The following PTPRT variants were observed in gnomAD, a reference collection of about 807,000 sequenced individuals.
The protein encoded by PTPRT is receptor-type tyrosine-protein phosphatase T.
PTPRT carries 56 observed loss-of-function variants against 176.8 expected under a neutral mutation model. The observed-to-expected ratio is 0.32, with a 90% CI of 0.26 to 0.40. The LOEUF (loss-of-function observed/expected upper bound fraction) is 0.40. PTPRT is among the 10% of genes least tolerant of loss of function. The pLI is 1.00. For missense variants in PTPRT, 1,540 were observed against 1,908.2 expected (o/e 0.81, Z 3.60); for synonymous variants, 783 against 739.0 (o/e 1.06, Z -0.96).
chr20:42,703,980 A>G (rs904543827), intron 6 of PTPRT, among the ~76,000 whole-genome samples: 6 of 152,186 alleles, frequency 3.9e-5, no homozygotes, highest in African/African-American at 1.4e-4. Context: ...CAACACCAAG[A>G]TCAGGTCAGG....
intron 13 of PTPRT, among the ~76,000 whole-genome samples, chr20:42,250,651 GC>G (rs1358389654): frequency 1.3e-5 from 2 of 152,112 alleles, no homozygotes; most frequent in South Asian, 4.1e-4. Flanking sequence ...TCTAGCACAG[GC>G]CTCCCTCCTC....
chr20:42,312,104 C>A (rs1256691637), intron 12 of PTPRT, among the ~76,000 whole-genome samples: 1 of 152,172 alleles, frequency 6.6e-6, no homozygotes, highest in Admixed American at 6.5e-5. Context: ...CACTTAGAGC[C>A]ATTATTGAGC....
chr20:42,600,288 C>A lies in PTPRT; in HGVS notation c.1153+77578G>T, dbSNP rs146155121. On this transcript the variant is annotated intron_variant, in intron 7 of 30. Coordinates refer to ENST00000373187, the MANE Select transcript of PTPRT (RefSeq NM_007050.6). The stretch of plus-strand genomic sequence containing the variant: ...CTGAATAGCTGGGACTACAGGTGTG[C>A]GCCATAAAGTCTGGCTAATTTTTGT... Among the ~76,000 whole-genome samples the A allele has an allele frequency of 1.6e-4, 24 of 152,000 alleles. No homozygotes were observed. In the East Asian group the frequency reaches 4.7e-3, roughly 29 times the overall value.
At chr20:43,001,884 AAAC>A in intron 1 of PTPRT, among the ~76,000 whole-genome samples, 8 of 129,220 alleles carry the variant, frequency 6.2e-5, no homozygotes, top group Non-Finnish European at 1.4e-4. Flanking sequence ...ACAAACAAAA[AAAC>A]AAACAAAAAA....
chr20:42,577,923 CTGTG>C (rs777761268), intron 7 of PTPRT, among the ~76,000 whole-genome samples: 13,970 of 111,094 alleles, frequency 0.13, 812 homozygotes, highest in Middle Eastern at 0.18. Context: ...CTGAGCGAGG[CTGTG>C]TGTGTGTGTG....
Position 42,677,918 on chromosome 20 carries a change from C to G in PTPRT, c.1101G>C (p.Glu367Asp), listed in dbSNP as rs767307358. Residue 367 changes from glutamate to aspartate, a missense_variant, in exon 7 of 31, where the codon GAG becomes GAC. Coordinates refer to ENST00000373187, the MANE Select transcript of PTPRT (RefSeq NM_007050.6). ...GAGGCCCTGGCGGTCCCGTACCCCCCTCACCTGGTCGTGTGAGGAGCACTC... is the reference window on the plus strand; with the variant it reads ...GAGGCCCTGGCGGTCCCGTACCCCCGTCACCTGGTCGTGTGAGGAGCACTC... ...EIRVLLTRPG[E>D]GGTGPPGPPL... The G allele has an allele frequency of 5.0e-6, 8 of 1,614,080 alleles. No homozygotes were observed. The highest frequency in any genetic ancestry group is 4.0e-5 in the African/African-American group (3 of 74,938).
At chr20:43,023,725 G>A (rs1372343059) in intron 1 of PTPRT, among the ~76,000 whole-genome samples, 1 of 152,128 alleles carries the variant, frequency 6.6e-6, no homozygotes, top group Non-Finnish European at 1.5e-5. Flanking sequence ...GCCCAATTCT[G>A]CATCTCTCCC....
intron 1 of PTPRT, among the ~76,000 whole-genome samples, chr20:42,915,633 T>A (rs1363170408): frequency 6.6e-6 from 1 of 152,156 alleles, no homozygotes; most frequent in Non-Finnish European, 1.5e-5. Context: ...ATTTACCTAT[T>A]TATTTTCAGA....
chr20:42,430,418 G>A (rs540843431), intron 9 of PTPRT, among the ~76,000 whole-genome samples: 58 of 152,148 alleles, frequency 3.8e-4, no homozygotes, highest in Non-Finnish European at 6.5e-4. Context: ...CAGAAGACCT[G>A]GGGTGGGGAC....
At chr20:42,756,341 C>T (rs537164728) in intron 6 of PTPRT, 121 bp downstream of exon 6, 1 of 1,099,414 alleles carries the variant, frequency 9.1e-7, no homozygotes, top group East Asian at 2.9e-5. Flanking sequence ...GCCAGAGTGA[C>T]TAGAAATTAA....
intron 1 of PTPRT, among the ~76,000 whole-genome samples, chr20:42,985,776 G>A (rs937600208): frequency 2.0e-5 from 3 of 152,168 alleles, no homozygotes; most frequent in African/African-American, 7.2e-5. Flanking sequence ...CTGAGAAGAT[G>A]TTCAAAGTCT....
chr20:42,559,527 G>A (rs2072915459), intron 7 of PTPRT, among the ~76,000 whole-genome samples: 1 of 152,062 alleles, frequency 6.6e-6, no homozygotes, highest in Non-Finnish European at 1.5e-5. Flanking sequence ...GATGTCTAAA[G>A]GCATGCCATT....
chr20:43,075,366 C>T (rs181752669), intron 1 of PTPRT, among the ~76,000 whole-genome samples: 2 of 152,382 alleles, frequency 1.3e-5, no homozygotes, highest in Admixed American at 6.5e-5. Context: ...ACCCAGCCGT[C>T]GAGAGCTCCG....
chr20:43,119,434 T>C (rs1364054436), intron 1 of PTPRT, among the ~76,000 whole-genome samples: 1 of 152,230 alleles, frequency 6.6e-6, no homozygotes. Context: ...TCTTTTCTTA[T>C]AAGTAAGTTG....
chr20:42,294,484 T>C (rs1049855481), intron 12 of PTPRT, among the ~76,000 whole-genome samples: 3 of 152,134 alleles, frequency 2.0e-5, no homozygotes, highest in Admixed American at 6.5e-5. Context: ...CCATTCCCTA[T>C]GACATACACA....
intron 6 of PTPRT, among the ~76,000 whole-genome samples, chr20:42,702,923 C>A (rs528283832): frequency 1.4e-4 from 21 of 152,316 alleles, no homozygotes; most frequent in African/African-American, 4.8e-4. Context: ...TGGTTAAGCA[C>A]CTTCGCAAAT....
intron 1 of PTPRT, among the ~76,000 whole-genome samples, chr20:42,989,190 T>C (rs182616690): frequency 6.6e-6 from 1 of 152,238 alleles, no homozygotes; most frequent in African/African-American, 2.4e-5. Flanking sequence ...AGGGCTGGGT[T>C]TGAACTCTCA....
At chr20:42,978,319 C>T (rs1481675654) in intron 1 of PTPRT, among the ~76,000 whole-genome samples, 3 of 152,066 alleles carry the variant, frequency 2.0e-5, no homozygotes, top group Non-Finnish European at 4.4e-5. Context: ...TTGTTCTGTA[C>T]CCACCTATTT....
At chr20:42,278,376 G>A (rs558265594) in intron 13 of PTPRT, among the ~76,000 whole-genome samples, 2 of 150,742 alleles carry the variant, frequency 1.3e-5, no homozygotes, top group African/African-American at 4.9e-5. Flanking sequence ...AGTTTGATGT[G>A]CCTGAAAAAC....
Sources: gnomAD v4.1 joint callset for allele counts (sites outside exome capture counted in the v4.1 genomes callset) on GRCh38, gnomAD v4.1.1 for gene constraint, MANE v1.5 for transcripts, NCBI Gene and HGNC (gene_info 2026-07-23, HGNC 2026-07-21) for gene names.